Variants in GRIN2B observed in about 807,000 individuals in gnomAD.
GRIN2B encodes the protein glutamate ionotropic receptor NMDA type subunit 2B.
GRIN2B carries 5 observed loss-of-function variants against 114.5 expected under a neutral mutation model. That is an observed-to-expected ratio of 0.04 (90% CI 0.02 to 0.09). The LOEUF (loss-of-function observed/expected upper bound fraction) is 0.09. Ranked by LOEUF, GRIN2B falls within the 10% of genes least tolerant of loss-of-function variation. The pLI is 1.00. For missense variants in GRIN2B, 1,108 were observed against 1,943.5 expected (o/e 0.57, Z 8.08); for synonymous variants, 787 against 745.1 (o/e 1.06, Z -0.92).
chr12:13,901,797 A>C (rs1027018869), intron 2 of GRIN2B, among the ~76,000 whole-genome samples: 1 of 152,096 alleles, frequency 6.6e-6, no homozygotes, highest in Non-Finnish European at 1.5e-5. Context: ...ATACACAAAA[A>C]ATTTCCCTAC....
At chr12:13,624,932 A>G (rs1949552347) in intron 5 of GRIN2B, among the ~76,000 whole-genome samples, 1 of 152,164 alleles carries the variant, frequency 6.6e-6, no homozygotes, top group Admixed American at 6.5e-5. Flanking sequence ...GAATGGGAAA[A>G]TGGGGGAGGT....
intron 2 of GRIN2B, among the ~76,000 whole-genome samples, chr12:13,866,826 G>A (rs1387122532): frequency 1.3e-5 from 2 of 152,166 alleles, no homozygotes; most frequent in Non-Finnish European, 2.9e-5. Flanking sequence ...TACATGACTA[G>A]TAGTTTTAAA....
rs1414334647 is a variant in GRIN2B, at chr12:13,543,309, G to A, written c.*19474C>T. On this transcript the variant is annotated 3_prime_UTR_variant, in exon 14 of 14. Transcript: ENST00000609686. ...CTCCAACCCACCTCCTAATTTCTAC[G>A]TTATTGCTTCTGACTCACTAACTGA... 1 of 152,082 alleles carries A rather than the reference G, an allele frequency of 6.6e-6. No individual in the cohort carries two copies. Among genetic ancestry groups the A allele is most frequent in the East Asian group, 1.9e-4 (1 of 5,166 alleles). 9.4% of individuals were successfully genotyped at this position (152,082 alleles called of 1,614,324 possible). A position where few individuals can be genotyped will look rare whatever the true frequency, so the allele number is the denominator to read the frequency against.
intron 3 of GRIN2B, among the ~76,000 whole-genome samples, chr12:13,776,684 G>A (rs373378337): frequency 7.7e-4 from 117 of 152,014 alleles, no homozygotes; most frequent in African/African-American, 2.8e-3. Flanking sequence ...TTTGGGGAGC[G>A]GGAATTAGTG....
intron 3 of GRIN2B, among the ~76,000 whole-genome samples, chr12:13,782,652 G>A (rs1258427508): frequency 6.6e-6 from 1 of 152,202 alleles, no homozygotes; most frequent in Non-Finnish European, 1.5e-5. Flanking sequence ...GCAGATTTGA[G>A]AATATAACTC....
At chr12:13,639,402 C>A (rs572632249) in intron 5 of GRIN2B, among the ~76,000 whole-genome samples, 6 of 152,248 alleles carry the variant, frequency 3.9e-5, no homozygotes, top group Non-Finnish European at 7.4e-5. Flanking sequence ...CCAGATAAAT[C>A]CTGCAGTTTT....
chr12:13,834,807 A>C, intron 3 of GRIN2B, among the ~76,000 whole-genome samples: 1 of 152,192 alleles, frequency 6.6e-6, no homozygotes, highest in East Asian at 1.9e-4. Flanking sequence ...GTAAATCTCA[A>C]CTTCTGTATA....
intron 2 of GRIN2B, among the ~76,000 whole-genome samples, chr12:13,910,496 T>C (rs1016831238): frequency 6.6e-6 from 1 of 152,218 alleles, no homozygotes; most frequent in East Asian, 1.9e-4. Flanking sequence ...CTCCTGTCCA[T>C]AGCTAATCCT....
At chr12:13,782,033 C>A (rs931839106) in intron 3 of GRIN2B, among the ~76,000 whole-genome samples, 12 of 152,180 alleles carry the variant, frequency 7.9e-5, no homozygotes, top group Non-Finnish European at 1.6e-4. Flanking sequence ...TTACTAGAGA[C>A]AAACCTTAGC....
chr12:13,704,945 C>T (rs183711644), intron 4 of GRIN2B, among the ~76,000 whole-genome samples: 4 of 152,232 alleles, frequency 2.6e-5, no homozygotes, highest in African/African-American at 7.2e-5. Context: ...AATATTAATG[C>T]CCCATGACTG....
rs200237781 is a variant in GRIN2B, at chr12:13,563,823, T to C, written c.3415A>G (p.Thr1139Ala). 3 of 1,614,148 alleles carry C rather than the reference T, an allele frequency of 1.9e-6. No individual in the cohort carries two copies. Among genetic ancestry groups the C allele is most frequent in the South Asian group, 2.2e-5 (2 of 91,086 alleles). The change falls in exon 14 of 14, where the codon ACA becomes GCA. Residue 1139 changes from threonine to alanine, a missense_variant. Thr to Ala is a moderately conservative substitution (Grantham distance 58, BLOSUM62 0). This residue lies in a region of GRIN2B where 478 missense variants were observed against 506.0 expected (regional missense o/e 0.94). Transcript: ENST00000609686. ...TCCCAGTGGGGTGAGTTCTCCTTTG[T>C]TCGGAACTGGTCCAGGTAGAAGTCC... is the stretch of plus-strand genomic sequence containing the variant. ...LRDFYLDQFR[T>A]KENSPHWEHV...
intron 4 of GRIN2B, among the ~76,000 whole-genome samples, chr12:13,737,251 G>T (rs1316108071): frequency 6.7e-6 from 1 of 148,820 alleles, no homozygotes; most frequent in Non-Finnish European, 1.5e-5. Context: ...TCTCTCTATT[G>T]CCCAGGCTGG....
chr12:13,570,271 TCA>T (rs1209721991), intron 11 of GRIN2B, among the ~76,000 whole-genome samples: 1 of 152,184 alleles, frequency 6.6e-6, no homozygotes, highest in African/African-American at 2.4e-5. Flanking sequence ...TGAAGCCAAC[TCA>T]TAAACTGTGT....
At chr12:13,613,914 G>A (rs1035570044) in intron 8 of GRIN2B, among the ~76,000 whole-genome samples, 2 of 151,538 alleles carry the variant, frequency 1.3e-5, no homozygotes, top group African/African-American at 4.9e-5. Context: ...ATGTACCACT[G>A]GCTCTGCCAG....
At chr12:13,886,222 G>A (rs1361484276) in intron 2 of GRIN2B, among the ~76,000 whole-genome samples, 1 of 152,198 alleles carries the variant, frequency 6.6e-6, no homozygotes, top group Non-Finnish European at 1.5e-5. Context: ...ACCGGTGTAT[G>A]TACTGGTTTG....
intron 13 of GRIN2B, among the ~76,000 whole-genome samples, chr12:13,565,578 G>A (rs1302068236): frequency 6.6e-6 from 1 of 152,168 alleles, no homozygotes; most frequent in Non-Finnish European, 1.5e-5. Context: ...TGATTCTAAA[G>A]TCAAGCCAAC....
At chr12:13,585,793 G>A (rs548746739) in intron 10 of GRIN2B, among the ~76,000 whole-genome samples, 7 of 152,232 alleles carry the variant, frequency 4.6e-5, no homozygotes, top group South Asian at 4.1e-4. Context: ...ATTACCTATC[G>A]AAGACCAAAC....
chr12:13,752,731 A>G (rs7316495), intron 4 of GRIN2B, among the ~76,000 whole-genome samples: 2,389 of 152,318 alleles, frequency 0.016, 67 homozygotes, highest in African/African-American at 0.054. Flanking sequence ...TTAAAGGCAG[A>G]GGCTGGAGGA....
intron 5 of GRIN2B, among the ~76,000 whole-genome samples, chr12:13,635,497 C>A (rs1244419786): frequency 6.6e-6 from 1 of 152,156 alleles, no homozygotes; most frequent in Admixed American, 6.6e-5. Context: ...TGGACTACAA[C>A]CCCCTGCTGC....
Sources: gnomAD v4.1 joint callset for allele counts (sites outside exome capture counted in the v4.1 genomes callset) on GRCh38, gnomAD v4.1.1 for gene constraint, gnomAD v4.1.1 regional missense constraint, MANE v1.5 for transcripts, NCBI Gene and HGNC (gene_info 2026-07-23, HGNC 2026-07-21) for gene names.